Variants in TRPM3 observed in about 807,000 individuals in gnomAD.
The protein encoded by TRPM3 is long transient receptor potential channel 3.
A neutral mutation model predicts 181.2 loss-of-function variants in TRPM3; 77 were observed. The ratio of observed to expected loss-of-function variants is 0.42; its 90% CI spans 0.35 to 0.51. The LOEUF (loss-of-function observed/expected upper bound fraction) is 0.51, where lower values mean the gene tolerates loss of function less well. TRPM3 is among the 20% of genes least tolerant of loss of function. The probability of loss-of-function intolerance (pLI) is 0.01; values close to 1 mark genes in which losing one functional copy is unlikely to be tolerated. For missense variants in TRPM3, 1,759 were observed against 2,196.7 expected (o/e 0.80, Z 3.98); for synonymous variants, 745 against 796.4 (o/e 0.94, Z 1.09).
intron 1 of TRPM3, among the ~76,000 whole-genome samples, chr9:71,428,409 A>T (rs1186895285): frequency 6.6e-6 from 1 of 151,766 alleles, no homozygotes; most frequent in African/African-American, 2.4e-5. Flanking sequence ...TGTTTTTTTT[A>T]AACAGCTTTC....
At chr9:70,768,204 A>T (rs2135397163) in intron 7 of TRPM3, among the ~76,000 whole-genome samples, 1 of 152,332 alleles carries the variant, frequency 6.6e-6, no homozygotes, top group Admixed American at 6.5e-5. Context: ...CCTTTAAAGT[A>T]ATACTCCAAC....
At chr9:71,250,293 G>T (rs911084179) in intron 1 of TRPM3, among the ~76,000 whole-genome samples, 1 of 152,028 alleles carries the variant, frequency 6.6e-6, no homozygotes, top group Admixed American at 6.6e-5. Context: ...AGTTGGGATC[G>T]TAAGTTTTTA....
intron 8 of TRPM3, among the ~76,000 whole-genome samples, chr9:70,690,402 ATC>A (rs1388450982): frequency 1.3e-5 from 2 of 152,088 alleles, no homozygotes; most frequent in East Asian, 3.9e-4. Flanking sequence ...TCATAAACTA[ATC>A]TCTGAAATAT....
intron 1 of TRPM3, among the ~76,000 whole-genome samples, chr9:71,197,915 C>T (rs2078499801): frequency 6.6e-6 from 1 of 150,698 alleles, no homozygotes; most frequent in Non-Finnish European, 1.5e-5. Flanking sequence ...GTTGCCATTG[C>T]TTTTGGTGTT....
intron 1 of TRPM3, among the ~76,000 whole-genome samples, chr9:71,389,866 T>C (rs2093020195): frequency 1.3e-5 from 2 of 151,984 alleles, no homozygotes; most frequent in South Asian, 4.1e-4. Flanking sequence ...GATAGAAGAC[T>C]ACAAATATGG....
chr9:71,337,053 C>A (rs2090607931), intron 1 of TRPM3, among the ~76,000 whole-genome samples: 1 of 152,106 alleles, frequency 6.6e-6, no homozygotes, highest in African/African-American at 2.4e-5. Context: ...GCAAGGACTT[C>A]ATGACTAAAA....
intron 7 of TRPM3, among the ~76,000 whole-genome samples, chr9:70,767,721 G>A (rs2079422048): frequency 6.6e-6 from 1 of 152,168 alleles, no homozygotes; most frequent in South Asian, 2.1e-4. Flanking sequence ...TTACTTCCAA[G>A]TCTGGTACCT....
chr9:70,628,818 T>TAA (rs10699305), intron 12 of TRPM3, among the ~76,000 whole-genome samples: 2,260 of 89,440 alleles, frequency 0.025, 46 homozygotes, highest in Admixed American at 0.035. Flanking sequence ...GACTCTGTCT[T>TAA]AAAAAAAAAA....
At chr9:71,412,046 T>G (rs539787665) in intron 1 of TRPM3, among the ~76,000 whole-genome samples, 1 of 152,192 alleles carries the variant, frequency 6.6e-6, no homozygotes, top group Non-Finnish European at 1.5e-5. Context: ...GCTAGCCATA[T>G]GTAGAAAGCT....
chr9:71,414,852 G>A (rs1242204964), intron 1 of TRPM3, among the ~76,000 whole-genome samples: 1 of 152,030 alleles, frequency 6.6e-6, no homozygotes, highest in African/African-American at 2.4e-5. Context: ...GTGCTTTGAG[G>A]TGACAGGAAA....
At chr9:70,859,406 C>A (rs1451474994) in intron 3 of TRPM3, among the ~76,000 whole-genome samples, 2 of 152,120 alleles carry the variant, frequency 1.3e-5, no homozygotes, top group Admixed American at 1.3e-4. Flanking sequence ...TATATATTTG[C>A]TCTGCGACAT....
Position 70,846,611 on chromosome 9 carries a change from C to G in TRPM3, c.463-20G>C. The G allele has an allele frequency of 6.2e-7, 1 of 1,604,970 alleles. No homozygotes were observed. Among genetic ancestry groups the G allele is most frequent in the Non-Finnish European group, 8.5e-7 (1 of 1,171,798 alleles). ...CACATACTGGAAGAAGAAAGGACAT[C>G]AATTAGGGAGACAAGGCAGGACTGG... On this transcript the variant is annotated intron_variant, in intron 3 of 25. Coordinates refer to ENST00000677713, the MANE Select transcript of TRPM3 (RefSeq NM_001366145.2).
At chr9:70,908,970 C>T (rs1008809722) in intron 1 of TRPM3, among the ~76,000 whole-genome samples, 1 of 152,088 alleles carries the variant, frequency 6.6e-6, no homozygotes, top group African/African-American at 2.4e-5. Context: ...TCCAAGTAGG[C>T]TGTAGATATA....
At chr9:70,566,730 A>C (rs1398393311) in intron 22 of TRPM3, among the ~76,000 whole-genome samples, 1 of 152,142 alleles carries the variant, frequency 6.6e-6, no homozygotes, top group Non-Finnish European at 1.5e-5. Flanking sequence ...GGGAGATCTG[A>C]AGGCAGCTGA....
At chr9:71,332,741 C>T (rs760067012) in intron 1 of TRPM3, among the ~76,000 whole-genome samples, 2 of 151,688 alleles carry the variant, frequency 1.3e-5, no homozygotes, top group Non-Finnish European at 2.9e-5. Flanking sequence ...AAGATCAGTG[C>T]AATGCCACAA....
At chr9:71,042,569 C>A (rs2058954324) in intron 1 of TRPM3, among the ~76,000 whole-genome samples, 1 of 152,174 alleles carries the variant, frequency 6.6e-6, no homozygotes, top group Non-Finnish European at 1.5e-5. Context: ...TTACAACATT[C>A]TTTAGTAGTT....
chr9:71,197,474 T>C (rs1236326542), intron 1 of TRPM3, among the ~76,000 whole-genome samples: 18 of 152,096 alleles, frequency 1.2e-4, no homozygotes, highest in East Asian at 1.2e-3. Context: ...TGAACTAGTT[T>C]ACAGTCCCAC....
At chr9:70,699,011 TACAC>T (rs1359315431) in intron 8 of TRPM3, among the ~76,000 whole-genome samples, 1 of 152,192 alleles carries the variant, frequency 6.6e-6, no homozygotes, top group African/African-American at 2.4e-5. Flanking sequence ...AACGAACTAA[TACAC>T]ACAGAAAACA....
At chr9:70,758,148 C>T (rs1193957630) in intron 8 of TRPM3, among the ~76,000 whole-genome samples, 1 of 152,168 alleles carries the variant, frequency 6.6e-6, no homozygotes, top group Non-Finnish European at 1.5e-5. Flanking sequence ...GATTCAAAAT[C>T]AATGTGCAAA....
Sources: gnomAD v4.1 joint callset for allele counts (sites outside exome capture counted in the v4.1 genomes callset) on GRCh38, gnomAD v4.1.1 for gene constraint, MANE v1.5 for transcripts, NCBI Gene and HGNC (gene_info 2026-07-23, HGNC 2026-07-21) for gene names.